Variants in GOLM2 observed in about 807,000 individuals in gnomAD.
GOLM2 encodes the protein golgi membrane protein 2.
GOLM2 carries 26 observed loss-of-function variants against 55.9 expected under a neutral mutation model. The observed-to-expected ratio is 0.47, with a 90% confidence interval of 0.34 to 0.65. The LOEUF is 0.65. GOLM2 is among the 30% of genes least tolerant of loss of function. The pLI is 0.01. For missense variants in GOLM2, 486 were observed against 531.8 expected (o/e 0.91, Z 0.85); for synonymous variants, 165 against 194.6 (o/e 0.85, Z 1.27).
chr15:44,406,644 C>A (rs1382226443), intron 9 of GOLM2: 2 of 152,100 alleles, frequency 1.3e-5, no homozygotes, highest in African/African-American at 4.8e-5. Flanking sequence ...ATTCCCAAAT[C>A]CATGAAAGAA....
chr15:44,373,268 T>C (rs946554466), intron 6 of GOLM2, among the ~76,000 whole-genome samples: 4 of 143,696 alleles, frequency 2.8e-5, no homozygotes, highest in African/African-American at 2.6e-5. Flanking sequence ...CCATCCTGGC[T>C]AACACGGTGA....
chr15:44,407,100 T>C (rs1207220737), intron 9 of GOLM2, among the ~76,000 whole-genome samples: 1 of 146,488 alleles, frequency 6.8e-6, no homozygotes, highest in Non-Finnish European at 1.5e-5. Context: ...TTAATAAAAA[T>C]GTTTGCATAT....
chr15:44,383,582 A>G (rs933861818), intron 8 of GOLM2, among the ~76,000 whole-genome samples: 1 of 151,608 alleles, frequency 6.6e-6, no homozygotes, highest in East Asian at 1.9e-4. Flanking sequence ...ATTTCTTGGT[A>G]TATAATCTGT....
chr15:44,336,424 C>T (rs975619705), intron 4 of GOLM2, among the ~76,000 whole-genome samples: 2 of 152,094 alleles, frequency 1.3e-5, no homozygotes, highest in African/African-American at 4.8e-5. Context: ...GCCCAAACTG[C>T]TTAAGTTTTT....
Position 44,328,800 on chromosome 15 carries a change from A to T in GOLM2, c.485+13A>T. 1 of 1,492,504 alleles carries T rather than the reference A, an allele frequency of 6.7e-7. No individual in the cohort carries two copies. The highest frequency in any genetic ancestry group is 9.2e-7 in the Non-Finnish European group (1 of 1,089,446). 92.5% of individuals were successfully genotyped at this position (1,492,504 alleles called of 1,614,324 possible). Reference sequence around the variant, plus strand: ...TAGAATATGAAAGGTAAGATGTTACATGCAACATATGTTTATGAATCTAAA... The same window carrying T: ...TAGAATATGAAAGGTAAGATGTTACTTGCAACATATGTTTATGAATCTAAA... On this transcript the variant is annotated intron_variant, in intron 3 of 9. Coordinates refer to ENST00000299957, the MANE Select transcript of GOLM2 (RefSeq NM_138423.4).
At chr15:44,399,952 G>T (rs1243394820) in intron 8 of GOLM2, among the ~76,000 whole-genome samples, 7 of 150,364 alleles carry the variant, frequency 4.7e-5, no homozygotes, top group African/African-American at 1.7e-4. Context: ...CTGATATCAG[G>T]CCACTGCACT....
At chr15:44,292,973 A>T (rs978175462) in intron 1 of GOLM2, among the ~76,000 whole-genome samples, 2 of 151,908 alleles carry the variant, frequency 1.3e-5, no homozygotes, top group African/African-American at 4.8e-5. Context: ...TGCCACCATG[A>T]TGGTCTAATT....
intron 6 of GOLM2, among the ~76,000 whole-genome samples, chr15:44,375,783 A>C (rs761429728): frequency 6.6e-6 from 1 of 152,216 alleles, no homozygotes; most frequent in African/African-American, 2.4e-5. Flanking sequence ...TTCTCAAAAA[A>C]ATTAAAAAAA....
rs539567977 is a variant in GOLM2 at position 44,415,146 on chromosome 15, A to G, written c.*1740A>G. ...TTAAGACTTCTGTTTGAAATTGCTC[A>G]ATGACTAGGAAAAGATGTAGTAGTT... On this transcript the variant is annotated 3_prime_UTR_variant, in exon 10 of 10. Coordinates refer to ENST00000299957, the MANE Select transcript of GOLM2 (RefSeq NM_138423.4). 2 of 152,696 alleles carry G rather than the reference A, an allele frequency of 1.3e-5. No individual in the cohort carries two copies. Among genetic ancestry groups the G allele is most frequent in the Admixed American group, 1.3e-4 (2 of 15,294 alleles). 9.5% of individuals were successfully genotyped at this position (152,696 alleles called of 1,614,324 possible).
chr15:44,302,041 A>G (rs953816119), intron 1 of GOLM2, among the ~76,000 whole-genome samples: 16 of 152,224 alleles, frequency 1.1e-4, no homozygotes, highest in Admixed American at 3.3e-4. Context: ...TGAGTGTGAT[A>G]ATATTTGATG....
intron 6 of GOLM2, among the ~76,000 whole-genome samples, chr15:44,339,091 TTCTGTGATTATAGCTAGTTG>T (rs2079075265): frequency 6.6e-6 from 1 of 152,218 alleles, no homozygotes; most frequent in Non-Finnish European, 1.5e-5. Context: ...CAGTAATTAC[TTCTGTGATTATAGCTAGTTG>T]TACATGACTG....
At chr15:44,366,120 A>G (rs2079282243) in intron 6 of GOLM2, among the ~76,000 whole-genome samples, 1 of 151,970 alleles carries the variant, frequency 6.6e-6, no homozygotes, top group Admixed American at 6.5e-5. Flanking sequence ...ACACAGTGAA[A>G]CCCCATCTCT....
chr15:44,338,466 C>CT (rs1178412885), intron 6 of GOLM2, 149 bp downstream of exon 6: 1 of 623,048 alleles, frequency 1.6e-6, no homozygotes. Context: ...ATTGCCAGGA[C>CT]TTTTTTTGGA....
intron 8 of GOLM2, among the ~76,000 whole-genome samples, chr15:44,398,911 AC>A (rs2079545245): frequency 6.6e-6 from 1 of 151,348 alleles, no homozygotes. Flanking sequence ...CTGGTGATCC[AC>A]CCACCTCGGC....
At chr15:44,299,201 A>G (rs2078779515) in intron 1 of GOLM2, among the ~76,000 whole-genome samples, 1 of 152,146 alleles carries the variant, frequency 6.6e-6, no homozygotes, top group South Asian at 2.1e-4. Flanking sequence ...GCTTTATGCT[A>G]TTCAGTTTGT....
chr15:44,409,620 A>T (rs2141220543), intron 9 of GOLM2: 2 of 142,002 alleles, frequency 1.4e-5, no homozygotes, highest in South Asian at 4.5e-4. Flanking sequence ...AAAAAAAAAA[A>T]AAAAAATGCT....
chr15:44,293,662 A>C (rs1033295084), intron 1 of GOLM2, among the ~76,000 whole-genome samples: 1 of 152,232 alleles, frequency 6.6e-6, no homozygotes, highest in African/African-American at 2.4e-5. Context: ...GTAAAGTACC[A>C]ATCTCAACAC....
intron 6 of GOLM2, among the ~76,000 whole-genome samples, chr15:44,362,334 A>C (rs1237505763): frequency 2.0e-4 from 31 of 152,072 alleles, no homozygotes; most frequent in African/African-American, 7.0e-4. Context: ...CTGATAAGCA[A>C]CTTCAGCAGT....
chr15:44,327,444 A>T (rs1447144594), intron 2 of GOLM2, among the ~76,000 whole-genome samples: 1 of 152,026 alleles, frequency 6.6e-6, no homozygotes, highest in Non-Finnish European at 1.5e-5. Flanking sequence ...GGCTGTATAT[A>T]TATCTCCCAA....
Sources: gnomAD v4.1 joint callset for allele counts (sites outside exome capture counted in the v4.1 genomes callset) on GRCh38, gnomAD v4.1.1 for gene constraint, MANE v1.5 for transcripts, NCBI Gene and HGNC (gene_info 2026-07-23, HGNC 2026-07-21) for gene names.